C19orf38: variants seen among roughly 807,000 people sequenced by gnomAD.
C19orf38 encodes chromosome 19 open reading frame 38.
Under a neutral mutation model 26.6 loss-of-function variants are expected in C19orf38, and 14 were observed. The ratio of observed to expected loss-of-function variants is 0.53; its 90% confidence interval spans 0.35 to 0.82. The LOEUF is 0.82. C19orf38 is among the 40% of genes least tolerant of loss of function. The pLI, the probability that C19orf38 is intolerant of heterozygous loss-of-function variation, is 0.01. For missense variants in C19orf38, 261 were observed against 299.5 expected (o/e 0.87, Z 0.95); for synonymous variants, 132 against 128.5 (o/e 1.03, Z -0.18).
At chr19:10,849,273 G>A (rs1394766858) in intron 1 of C19orf38, among the ~76,000 whole-genome samples, 1 of 152,000 alleles carries the variant, frequency 6.6e-6, no homozygotes, top group African/African-American at 2.4e-5. Flanking sequence ...CTCCCACCTT[G>A]GCCTCCCAAA....
upstream of C19orf38, among the ~76,000 whole-genome samples, chr19:10,847,369 CTTTT>C (rs918277367): frequency 1.6e-5 from 2 of 125,932 alleles, no homozygotes; most frequent in African/African-American, 6.0e-5. Context: ...GTCCACTGCT[CTTTT>C]TTTTTTTTTT....
intron 1 of C19orf38, 88 bp from the exon 2 acceptor site, chr19:10,850,171 G>C: frequency 7.8e-7 from 1 of 1,276,908 alleles, no homozygotes. Context: ...CAAGGCTGAG[G>C]GAGGGTGGTC....
intron 4 of C19orf38, 138 bp from the exon 5 acceptor site, chr19:10,859,775 TGG>T: frequency 1.4e-6 from 1 of 695,498 alleles, no homozygotes; most frequent in Non-Finnish European, 2.5e-6. Flanking sequence ...TGCTCTTCTG[TGG>T]GGAAGACCCA....
rs1034769217 is a variant in C19orf38, at chr19:10,849,955, C to T, written c.32-304C>T. Among the ~76,000 whole-genome samples the T allele has an allele frequency of 2.0e-5, 3 of 151,980 alleles. No individual in the cohort carries two copies. The East Asian group carries it at 5.8e-4, about 29-fold the overall frequency. On this transcript the variant is annotated intron_variant, in intron 1 of 6. Transcript: ENST00000397820. Reference sequence around the variant, plus strand: ...TGCCACATGCCTGTAATCCTAGCTACTTGGGAGGCTGGAGAATCACTTGAA... The same window carrying T: ...TGCCACATGCCTGTAATCCTAGCTATTTGGGAGGCTGGAGAATCACTTGAA...
chr19:10,854,594 C>T (rs11878377), intron 2 of C19orf38, among the ~76,000 whole-genome samples: 44,521 of 151,944 alleles, frequency 0.29, 6,702 homozygotes, highest in East Asian at 0.54. Context: ...GAATACCAAG[C>T]GTCTGTCTTC....
intron 1 of C19orf38, among the ~76,000 whole-genome samples, chr19:10,849,214 T>A (rs189458800): frequency 6.6e-6 from 1 of 151,958 alleles, no homozygotes; most frequent in Non-Finnish European, 1.5e-5. Flanking sequence ...AGAGACAGGG[T>A]CTCACTGTGT....
chr19:10,841,800 C>T (rs1272521737), intron 1 of C19orf38: 3 of 1,058,920 alleles, frequency 2.8e-6, no homozygotes, highest in African/African-American at 1.6e-5. Flanking sequence ...TAGTGAGATC[C>T]CATCTCCACA....
rs572653889 is a variant in C19orf38 at position 10,863,156 on chromosome 19, T to C, written c.506-14T>C. On this transcript the variant is annotated splice_polypyrimidine_tract_variant and intron_variant, in intron 5 of 6. Coordinates refer to ENST00000397820, the MANE Select transcript of C19orf38 (RefSeq NM_001136482.3). ...GGCCCCCAATCCTGGGTTTTCTTTC[T>C]CTTTCTGTTTCAGACATGTCCTTCG... is the stretch of plus-strand genomic sequence containing the variant. 6.4e-7 allele frequency: 1 copy of C among 1,551,090 alleles called. No individual in the cohort carries two copies. Among genetic ancestry groups the C allele is most frequent in the East Asian group, 2.4e-5 (1 of 40,916 alleles).
At chr19:10,857,884 AAAC>A (rs1256185816) in intron 3 of C19orf38, among the ~76,000 whole-genome samples, 1 of 124,788 alleles carries the variant, frequency 8.0e-6, no homozygotes, top group Non-Finnish European at 1.7e-5. Context: ...CTGTCTCAAA[AAAC>A]AACAAAAAAA....
intron 6 of C19orf38, 82 bp from the exon 7 acceptor site, chr19:10,869,136 T>A: frequency 4.6e-6 from 7 of 1,514,384 alleles, no homozygotes; most frequent in Non-Finnish European, 5.4e-6. Context: ...GCTGGCAGAG[T>A]CTCAGGCTCA....
At chr19:10,838,595 C>T (rs758905266) in intron 1 of C19orf38, among the ~76,000 whole-genome samples, 2 of 152,088 alleles carry the variant, frequency 1.3e-5, no homozygotes, top group African/African-American at 4.8e-5. Flanking sequence ...GGGTCGTTGT[C>T]TCACAGCCAC....
At chr19:10,856,427 A>C in intron 3 of C19orf38, 70 bp downstream of exon 3, 1 of 1,192,436 alleles carries the variant, frequency 8.4e-7, no homozygotes, top group Non-Finnish European at 1.2e-6. Context: ...ATGTGCTTAC[A>C]CTCACAACTC....
At chr19:10,843,861 A>G (rs1262970407), upstream of C19orf38, among the ~76,000 whole-genome samples, 2 of 152,178 alleles carry the variant, frequency 1.3e-5, no homozygotes, top group Non-Finnish European at 2.9e-5. Context: ...GCTCATGCCT[A>G]TAATTCCAAC....
chr19:10,845,615 C>T (rs1015577967), upstream of C19orf38, among the ~76,000 whole-genome samples: 1 of 152,114 alleles, frequency 6.6e-6, no homozygotes, highest in Non-Finnish European at 1.5e-5. Flanking sequence ...TGCGGTGGCT[C>T]ACGCCTGTAA....
rs372521662 is a variant in C19orf38, at chr19:10,850,517, A to G, written c.290A>G (p.Asn97Ser). The G allele has an allele frequency of 3.2e-6, 5 of 1,551,466 alleles. No individual in the cohort carries two copies. Among genetic ancestry groups the G allele is most frequent in the Non-Finnish European group, 4.4e-6 (5 of 1,146,952 alleles). ...CAGTATGGAGTGTTAGGTGAGCTCA[A>G]CCAGTCCCAGCTGTCAGACCTCAGC... ...HCQYGVLGEL[N>S]QSQLSDLSEP... The change falls in exon 2 of 7, where the codon AAC becomes AGC. Residue 97 changes from asparagine (N) to serine (S), a missense_variant. By Grantham distance (46) the Asn-to-Ser change is conservative. Coordinates refer to ENST00000397820, the MANE Select transcript of C19orf38 (RefSeq NM_001136482.3).
intron 1 of C19orf38, 65 bp downstream of exon 1, chr19:10,848,604 G>A (rs571989452): frequency 5.2e-5 from 76 of 1,467,948 alleles, no homozygotes; most frequent in African/African-American, 3.3e-4. Context: ...CCACCTTGCC[G>A]CTCCAGGGGC....
At chr19:10,854,518 T>C (rs2073605460) in intron 2 of C19orf38, among the ~76,000 whole-genome samples, 1 of 152,180 alleles carries the variant, frequency 6.6e-6, no homozygotes, top group Non-Finnish European at 1.5e-5. Context: ...CTTGTGGCCT[T>C]GGAGTAGGGA....
chr19:10,851,406 T>C (rs1222723974), intron 2 of C19orf38, among the ~76,000 whole-genome samples: 3 of 149,166 alleles, frequency 2.0e-5, no homozygotes, highest in African/African-American at 7.5e-5. Context: ...AATGGCACAA[T>C]CATAGCTCAC....
intron 3 of C19orf38, 27 bp from the exon 4 acceptor site, chr19:10,858,289 C>T (rs2073652719): frequency 9.6e-7 from 1 of 1,045,648 alleles, no homozygotes; most frequent in Non-Finnish European, 1.3e-6. Context: ...CAAAATCTAA[C>T]ACATGCTCAT....
Sources: allele counts gnomAD v4.1 joint callset (sites outside exome capture counted in the v4.1 genomes callset), GRCh38; gene constraint gnomAD v4.1.1; transcripts MANE v1.5; gene names NCBI Gene and HGNC (gene_info 2026-07-23, HGNC 2026-07-21).